DPP6: variants seen among roughly 807,000 people sequenced by gnomAD.
DPP6 encodes the protein dipeptidyl peptidase like 6, also known as A-type potassium channel modulatory protein DPP6.
Under a neutral mutation model 122.6 loss-of-function variants are expected in DPP6, and 69 were observed. The observed-to-expected ratio is 0.56, with a 90% CI of 0.46 to 0.69. The LOEUF (loss-of-function observed/expected upper bound fraction) is 0.69, where lower values mean the gene tolerates loss of function less well. Ranked by LOEUF, DPP6 falls within the 30% of genes least tolerant of loss-of-function variation. The pLI, the probability that DPP6 is intolerant of heterozygous loss-of-function variation, is 0.00. For missense variants in DPP6, 928 were observed against 1,116.9 expected (o/e 0.83, Z 2.41); for synonymous variants, 418 against 433.1 (o/e 0.97, Z 0.43).
chr7:153,857,653 A>C, the DPP6 span, among the ~76,000 whole-genome samples: 1 of 152,218 alleles, frequency 6.6e-6, no homozygotes, highest in Non-Finnish European at 1.5e-5. Flanking sequence ...GATATCAGTT[A>C]AACTAAAGCA....
At chr7:154,080,444 A>C (rs192504441) in intron 1 of DPP6, among the ~76,000 whole-genome samples, 1 of 152,322 alleles carries the variant, frequency 6.6e-6, no homozygotes, top group East Asian at 1.9e-4. Context: ...TGTTTAACTC[A>C]CCATGGATCC....
At chr7:154,253,099 G>A (rs1329179009) in intron 1 of DPP6, among the ~76,000 whole-genome samples, 6 of 152,264 alleles carry the variant, frequency 3.9e-5, no homozygotes, top group African/African-American at 1.4e-4. Flanking sequence ...TAATTCCAAG[G>A]CCAAAGGGAG....
chr7:154,080,104 GA>G, intron 1 of DPP6, among the ~76,000 whole-genome samples: 1 of 151,864 alleles, frequency 6.6e-6, no homozygotes, highest in South Asian at 2.1e-4. Flanking sequence ...AACATGTTAT[GA>G]AAAAGGTCAC....
intron 3 of DPP6, among the ~76,000 whole-genome samples, chr7:154,479,515 G>A (rs984010876): frequency 4.4e-5 from 6 of 137,748 alleles, no homozygotes; most frequent in Admixed American, 8.2e-5. Context: ...CCGACATTGC[G>A]CCACAGCACT....
At chr7:154,490,864 C>A (rs1013326068) in intron 3 of DPP6, among the ~76,000 whole-genome samples, 1 of 152,114 alleles carries the variant, frequency 6.6e-6, no homozygotes, top group Non-Finnish European at 1.5e-5. Context: ...GAGTGACAGC[C>A]GGAGACCAGG....
At chr7:154,044,108 C>T (rs747275995) in intron 1 of DPP6, among the ~76,000 whole-genome samples, 1 of 152,144 alleles carries the variant, frequency 6.6e-6, no homozygotes, top group Non-Finnish European at 1.5e-5. Context: ...GATCAAATTG[C>T]AGGCTCATGT....
At chr7:154,825,482 C>T (rs1380564190) in intron 16 of DPP6, among the ~76,000 whole-genome samples, 1 of 152,232 alleles carries the variant, frequency 6.6e-6, no homozygotes, top group African/African-American at 2.4e-5. Context: ...GTCAGTCAGT[C>T]TTCCCTTGAT....
intron 2 of DPP6, among the ~76,000 whole-genome samples, chr7:154,464,295 G>A (rs1821597559): frequency 6.6e-6 from 1 of 152,216 alleles, no homozygotes; most frequent in Non-Finnish European, 1.5e-5. Context: ...CCCCAAGCAA[G>A]CAGATTCTCT....
At chr7:153,947,802 G>T (rs1802018306) in intron 1 of DPP6, among the ~76,000 whole-genome samples, 1 of 152,172 alleles carries the variant, frequency 6.6e-6, no homozygotes, top group Non-Finnish European at 1.5e-5. Context: ...GTCTCCAGTG[G>T]GGCATTTGGA....
intron 1 of DPP6, among the ~76,000 whole-genome samples, chr7:154,265,500 C>T (rs376303452): frequency 6.6e-6 from 1 of 152,096 alleles, no homozygotes; most frequent in Non-Finnish European, 1.5e-5. Context: ...TTTAATACTC[C>T]CTTACATAAT....
intron 1 of DPP6, among the ~76,000 whole-genome samples, chr7:154,008,828 A>ATT (rs1298676342): frequency 6.8e-6 from 1 of 147,230 alleles, no homozygotes; most frequent in African/African-American, 2.5e-5. Context: ...CGCCCGGCTA[A>ATT]TTTTTTTTTT....
chr7:154,890,516 TGTTAA>T (rs1479058343), intron 25 of DPP6: 1 of 152,180 alleles, frequency 6.6e-6, no homozygotes, highest in African/African-American at 2.4e-5. Context: ...TGCATGGCAG[TGTTAA>T]GCACACTGAC....
chr7:153,818,855 G>A, the DPP6 span, among the ~76,000 whole-genome samples: 12 of 151,848 alleles, frequency 7.9e-5, no homozygotes, highest in Middle Eastern at 3.4e-3. Context: ...GGGTGCAAGC[G>A]ATTCTCCTGC....
At chr7:154,250,588 A>G (rs1209397173) in intron 1 of DPP6, among the ~76,000 whole-genome samples, 4 of 152,284 alleles carry the variant, frequency 2.6e-5, no homozygotes, top group African/African-American at 4.8e-5. Flanking sequence ...GTTTCTCCCT[A>G]GTTAGAAAGA....
intron 1 of DPP6, among the ~76,000 whole-genome samples, chr7:153,904,624 A>G (rs1563220519): frequency 6.6e-6 from 1 of 152,172 alleles, no homozygotes; most frequent in African/African-American, 2.4e-5. Context: ...CTAAATTCTC[A>G]CTATTGATTG....
At chr7:154,722,863 T>C (rs1266407449) in intron 7 of DPP6, among the ~76,000 whole-genome samples, 1 of 152,126 alleles carries the variant, frequency 6.6e-6, no homozygotes, top group Non-Finnish European at 1.5e-5. Flanking sequence ...ATATTTGATC[T>C]CAGCATCCAG....
chr7:153,819,217 G>A, the DPP6 span, among the ~76,000 whole-genome samples: 53 of 131,572 alleles, frequency 4.0e-4, no homozygotes, highest in African/African-American at 1.2e-3. Context: ...CCCATTAGCT[G>A]TTTTCCCCAT....
chr7:154,601,291 G>A (rs1449490282), intron 5 of DPP6, among the ~76,000 whole-genome samples: 1 of 121,152 alleles, frequency 8.3e-6, no homozygotes, highest in Non-Finnish European at 1.9e-5. Context: ...GTGAATTACT[G>A]TGTAAGAAGT....
chr7:154,384,738 T>TTTC (rs370413762), intron 1 of DPP6, among the ~76,000 whole-genome samples: 34 of 88,792 alleles, frequency 3.8e-4, no homozygotes, highest in African/African-American at 9.2e-4. Context: ...TCTTTCTTTC[T>TTTC]TTTATTTTTT....
Sources: gnomAD v4.1 joint callset for allele counts (sites outside exome capture counted in the v4.1 genomes callset) on GRCh38, gnomAD v4.1.1 for gene constraint, MANE v1.5 for transcripts, NCBI Gene and HGNC (gene_info 2026-07-23, HGNC 2026-07-21) for gene names.